TENM3: variants seen among roughly 807,000 people sequenced by gnomAD.
The protein encoded by TENM3 is teneurin-3.
A neutral mutation model predicts 255.1 loss-of-function variants in TENM3; 63 were observed. That is an observed-to-expected ratio of 0.25 (90% CI 0.20 to 0.30). The LOEUF (loss-of-function observed/expected upper bound fraction) is 0.30, where lower values mean the gene tolerates loss of function less well. Ranked by LOEUF, TENM3 falls within the 10% of genes least tolerant of loss-of-function variation. The pLI is 1.00. For missense variants in TENM3, 2,929 were observed against 3,461.1 expected (o/e 0.85, Z 3.86); for synonymous variants, 1,306 against 1,322.3 (o/e 0.99, Z 0.27).
intron 3 of TENM3, among the ~76,000 whole-genome samples, chr4:182,500,680 A>G (rs1186678946): frequency 6.6e-6 from 1 of 152,158 alleles, no homozygotes; most frequent in East Asian, 1.9e-4. Context: ...AGACAAATGT[A>G]TGGGGAGAGA....
rs568333218 is a variant in TENM3 at position 182,677,070 on chromosome 4, AC to A, written c.1327-2595del. Among the ~76,000 whole-genome samples, 29 of 152,314 alleles carry A rather than the reference AC, an allele frequency of 1.9e-4. 1 individual carries two copies. In the South Asian group the frequency reaches 5.6e-3, roughly 29 times the overall value. On this transcript the variant is annotated intron_variant, in intron 7 of 27. Transcript: ENST00000511685. ...AACTCACATTTGCCCTTAAGTGACC[AC>A]TTTATGCCCTAAGAACAAAGATTAT...
intron 1 of TENM3, among the ~76,000 whole-genome samples, chr4:182,210,420 C>T (rs986563240): frequency 1.4e-4 from 22 of 152,166 alleles, no homozygotes; most frequent in African/African-American, 5.3e-4. Context: ...TTATGCTTCT[C>T]TCACTTTCTG....
At chr4:182,520,483 T>C (rs1738460851) in intron 3 of TENM3, among the ~76,000 whole-genome samples, 1 of 152,190 alleles carries the variant, frequency 6.6e-6, no homozygotes, top group African/African-American at 2.4e-5. Context: ...AGAATATATA[T>C]TAGTAAGTTT....
At chr4:182,649,903 C>T (rs1410743182) in intron 5 of TENM3, among the ~76,000 whole-genome samples, 1 of 150,390 alleles carries the variant, frequency 6.6e-6, no homozygotes, top group African/African-American at 2.4e-5. Context: ...CATCCCACTA[C>T]CCTCTGGTAG....
At chr4:182,048,071 TATA>T in the TENM3 span, among the ~76,000 whole-genome samples, 11 of 152,168 alleles carry the variant, frequency 7.2e-5, no homozygotes, top group Non-Finnish European at 1.5e-4. Flanking sequence ...AATAACCTTT[TATA>T]ATAATTCTCA....
At chr4:182,143,476 A>C (rs906759467), upstream of TENM3, 3 of 166,808 alleles carry the variant, frequency 1.8e-5, no homozygotes, top group African/African-American at 7.2e-5. The surrounding 1 kb of genome is among the most constrained non-coding windows in gnomAD (Gnocchi z 4.3). Context: ...TCTGCCTCGG[A>C]ATCCGTCTTC....
chr4:181,493,383 A>G, the TENM3 span, among the ~76,000 whole-genome samples: 2 of 151,968 alleles, frequency 1.3e-5, no homozygotes, highest in Non-Finnish European at 2.9e-5. Flanking sequence ...GATAGAATTA[A>G]TTTTCTTTTT....
chr4:182,217,529 G>A (rs1755567813), intron 1 of TENM3, among the ~76,000 whole-genome samples: 1 of 152,146 alleles, frequency 6.6e-6, no homozygotes, highest in African/African-American at 2.4e-5. Flanking sequence ...AGCGCTTACT[G>A]TGTGCCAGGT....
chr4:182,637,750 C>G (rs1283215830), intron 5 of TENM3, among the ~76,000 whole-genome samples: 1 of 152,144 alleles, frequency 6.6e-6, no homozygotes, highest in East Asian at 1.9e-4. Context: ...AGAATGCAAA[C>G]ACTGAGTAAT....
the TENM3 span, among the ~76,000 whole-genome samples, chr4:182,116,363 G>A: frequency 6.9e-6 from 1 of 145,832 alleles, no homozygotes; most frequent in South Asian, 2.3e-4. Flanking sequence ...GTTTGGCTGT[G>A]TCCCCACCCA....
chr4:182,122,537 C>T, the TENM3 span, among the ~76,000 whole-genome samples: 1 of 152,132 alleles, frequency 6.6e-6, no homozygotes, highest in African/African-American at 2.4e-5. Context: ...AGTGAACAGT[C>T]ATATTTTGAA....
chr4:182,733,875 G>A (rs72995194), intron 16 of TENM3, among the ~76,000 whole-genome samples: 7,901 of 152,226 alleles, frequency 0.052, 295 homozygotes, highest in African/African-American at 0.11. Flanking sequence ...CCTAGAGTCA[G>A]TATCTGTCTG....
chr4:181,905,229 T>C, the TENM3 span, among the ~76,000 whole-genome samples: 3 of 152,178 alleles, frequency 2.0e-5, no homozygotes, highest in South Asian at 2.1e-4. Context: ...ATTATATATA[T>C]TTAAGTATGT....
chr4:182,150,515 G>T (rs1206066177), intron 1 of TENM3, among the ~76,000 whole-genome samples: 3 of 151,754 alleles, frequency 2.0e-5, no homozygotes, highest in African/African-American at 7.3e-5. Flanking sequence ...ATTGTATACA[G>T]TTGCTTATAC....
the TENM3 span, among the ~76,000 whole-genome samples, chr4:181,721,360 T>C: frequency 6.6e-6 from 1 of 151,402 alleles, no homozygotes; most frequent in African/African-American, 2.4e-5. Context: ...ATTTACATGA[T>C]GGAATGCTCA....
chr4:182,432,024 C>T (rs756884105), intron 3 of TENM3, among the ~76,000 whole-genome samples: 1 of 146,786 alleles, frequency 6.8e-6, no homozygotes, highest in Non-Finnish European at 1.5e-5. Flanking sequence ...TGCAGTGGGC[C>T]GAGATCCGAG....
chr4:181,682,687 G>A, the TENM3 span, among the ~76,000 whole-genome samples: 1 of 152,168 alleles, frequency 6.6e-6, no homozygotes, highest in East Asian at 1.9e-4. Flanking sequence ...GATTGGAAGA[G>A]TGGTTAAAAA....
At chr4:182,153,329 T>TA (rs1421207754) in intron 1 of TENM3, among the ~76,000 whole-genome samples, 41 of 152,160 alleles carry the variant, frequency 2.7e-4, no homozygotes, top group African/African-American at 9.9e-4. Context: ...ACAAAAAAGT[T>TA]ACTACAAATG....
intron 1 of TENM3, among the ~76,000 whole-genome samples, chr4:182,160,155 A>G (rs1751034322): frequency 6.7e-6 from 1 of 149,566 alleles, no homozygotes; most frequent in African/African-American, 2.4e-5. Flanking sequence ...GGCGCCCGCC[A>G]CCACGCCTGG....
Sources: allele counts gnomAD v4.1 joint callset (sites outside exome capture counted in the v4.1 genomes callset), GRCh38; gene constraint gnomAD v4.1.1; non-coding constraint Gnocchi (gnomAD v3.1); transcripts MANE v1.5; gene names NCBI Gene and HGNC (gene_info 2026-07-23, HGNC 2026-07-21).